Variants in CCDC91 observed in about 807,000 individuals in gnomAD.
CCDC91 encodes coiled-coil domain containing 91, also known as coiled-coil domain-containing protein 91.
CCDC91 carries 48 observed loss-of-function variants against 63.2 expected under a neutral mutation model. The observed-to-expected ratio is 0.76, with a 90% CI of 0.60 to 0.97. The LOEUF (loss-of-function observed/expected upper bound fraction) is 0.97. Ranked by LOEUF, CCDC91 falls within the 50% of genes least tolerant of loss-of-function variation. The pLI is 0.00. For synonymous variants in CCDC91, 167 were observed against 165.8 expected (o/e 1.01, Z -0.06); for missense variants, 500 against 494.6 (o/e 1.01, Z -0.10).
intron 6 of CCDC91, among the ~76,000 whole-genome samples, chr12:28,356,966 C>T (rs760259880): frequency 6.6e-6 from 1 of 152,114 alleles, no homozygotes; most frequent in Non-Finnish European, 1.5e-5. Context: ...GACTTTTAGC[C>T]ATCCGTGTAG....
At chr12:28,477,803 C>T (rs558919524) in intron 11 of CCDC91, among the ~76,000 whole-genome samples, 14 of 151,904 alleles carry the variant, frequency 9.2e-5, no homozygotes, top group Non-Finnish European at 1.5e-4. Context: ...ATCACAAGCA[C>T]TCTTATACAC....
chr12:28,307,528 C>T, intron 5 of CCDC91, 117 bp from the exon 6 acceptor site: 1 of 568,606 alleles, frequency 1.8e-6, no homozygotes, highest in South Asian at 2.6e-5. Flanking sequence ...AGATTTTAAG[C>T]CGTACTTCCC....
intron 1 of CCDC91, among the ~76,000 whole-genome samples, chr12:28,223,131 C>T (rs1944055875): frequency 6.6e-6 from 1 of 152,058 alleles, no homozygotes; most frequent in African/African-American, 2.4e-5. Flanking sequence ...GGCAATATGG[C>T]AGGAAATTGA....
At chr12:28,503,893 C>G (rs376362941) in intron 12 of CCDC91, among the ~76,000 whole-genome samples, 3 of 151,232 alleles carry the variant, frequency 2.0e-5, no homozygotes, top group African/African-American at 7.3e-5. Flanking sequence ...AATGAGAACA[C>G]ATGGACACAG....
intron 3 of CCDC91, among the ~76,000 whole-genome samples, chr12:28,267,905 T>TA (rs1947425667): frequency 1.3e-4 from 7 of 55,734 alleles, no homozygotes; most frequent in Admixed American, 8.0e-4. Context: ...TATATAATTA[T>TA]ATTATATATA....
intron 6 of CCDC91, among the ~76,000 whole-genome samples, chr12:28,352,756 G>T (rs1174933991): frequency 6.6e-6 from 1 of 150,528 alleles, no homozygotes; most frequent in Admixed American, 6.7e-5. Context: ...CAGATGTGCT[G>T]TCATCCACGC....
At chr12:28,267,481 A>G (rs1409487604) in intron 3 of CCDC91, among the ~76,000 whole-genome samples, 1 of 150,602 alleles carries the variant, frequency 6.6e-6, no homozygotes, top group Non-Finnish European at 1.5e-5. Flanking sequence ...CAGCAAAGCT[A>G]TTTTAATTAG....
At chr12:28,339,698 T>C (rs1307497104) in intron 6 of CCDC91, among the ~76,000 whole-genome samples, 6 of 152,216 alleles carry the variant, frequency 3.9e-5, no homozygotes, top group African/African-American at 1.4e-4. Context: ...ATCTGCAGGT[T>C]TTGGTATTTG....
At position 28,549,951 on chromosome 12, in the gene CCDC91, G is replaced by C. The variant is rs1241884018; in HGVS notation, c.*778G>C. 2 of 152,382 alleles carry C rather than the reference G, an allele frequency of 1.3e-5. No homozygotes were observed. Among genetic ancestry groups the C allele is most frequent in the Non-Finnish European group, 2.9e-5 (2 of 67,970 alleles). 9.4% of individuals were successfully genotyped at this position (152,382 alleles called of 1,614,324 possible). ...TTATAGGAATTTAGGTTCAAGTACA[G>C]GATATATGAAATCTTTTCCCAGTAT... On this transcript the variant is annotated 3_prime_UTR_variant, in exon 13 of 13. Coordinates refer to ENST00000536442, the MANE Select transcript of CCDC91 (RefSeq NM_018318.5).
intron 6 of CCDC91, among the ~76,000 whole-genome samples, chr12:28,335,831 A>G (rs1471231438): frequency 6.6e-6 from 1 of 151,806 alleles, no homozygotes; most frequent in African/African-American, 2.4e-5. Context: ...TAGAGATTAT[A>G]TTAACTCTGT....
intron 7 of CCDC91, among the ~76,000 whole-genome samples, chr12:28,388,746 A>G (rs903602851): frequency 1.3e-5 from 2 of 152,084 alleles, no homozygotes; most frequent in African/African-American, 2.4e-5. Context: ...GCAAACAAAA[A>G]CAAGTGGGGA....
At chr12:28,380,890 A>G (rs1348499861) in intron 7 of CCDC91, among the ~76,000 whole-genome samples, 1 of 152,134 alleles carries the variant, frequency 6.6e-6, no homozygotes, top group Non-Finnish European at 1.5e-5. Flanking sequence ...ATACTGCAGG[A>G]AAAGTACTTG....
At chr12:28,368,177 A>T (rs1311341759) in intron 7 of CCDC91, among the ~76,000 whole-genome samples, 1 of 152,206 alleles carries the variant, frequency 6.6e-6, no homozygotes, top group African/African-American at 2.4e-5. Flanking sequence ...GAAAAATGAC[A>T]TTTTACCTAC....
intron 8 of CCDC91, among the ~76,000 whole-genome samples, chr12:28,419,643 C>G (rs1485707159): frequency 2.0e-5 from 3 of 152,108 alleles, no homozygotes; most frequent in Non-Finnish European, 2.9e-5. Flanking sequence ...AGGATAACCA[C>G]CTGGAGACAT....
At chr12:28,290,437 T>G (rs1439684186) in intron 3 of CCDC91, among the ~76,000 whole-genome samples, 3 of 152,172 alleles carry the variant, frequency 2.0e-5, no homozygotes, top group African/African-American at 4.8e-5. Flanking sequence ...AGCATACCAT[T>G]AGGTCTTTGT....
At chr12:28,539,661 T>C (rs375082206) in intron 12 of CCDC91, among the ~76,000 whole-genome samples, 1 of 152,306 alleles carries the variant, frequency 6.6e-6, no homozygotes, top group East Asian at 1.9e-4. Context: ...CTTTCTTAAC[T>C]GAAAGAAAAT....
chr12:28,333,125 G>A (rs1339177726), intron 6 of CCDC91, among the ~76,000 whole-genome samples: 1 of 152,004 alleles, frequency 6.6e-6, no homozygotes, highest in African/African-American at 2.4e-5. Flanking sequence ...GTCAGGCATG[G>A]TGGCTCACAC....
chr12:28,213,285 C>T (rs187498468), intron 1 of CCDC91, among the ~76,000 whole-genome samples: 6 of 152,310 alleles, frequency 3.9e-5, no homozygotes, highest in Admixed American at 3.9e-4. Context: ...GTTTCTAGAC[C>T]TATAACTACA....
intron 1 of CCDC91, among the ~76,000 whole-genome samples, chr12:28,220,005 GT>G (rs1943830659): frequency 1.3e-5 from 2 of 151,834 alleles, no homozygotes; most frequent in African/African-American, 4.8e-5. Context: ...AGTAAAAGTG[GT>G]TTTTTTGTAT....
Sources: gnomAD v4.1 joint callset for allele counts (sites outside exome capture counted in the v4.1 genomes callset) on GRCh38, gnomAD v4.1.1 for gene constraint, MANE v1.5 for transcripts, NCBI Gene and HGNC (gene_info 2026-07-23, HGNC 2026-07-21) for gene names.